BTBD9: variants seen among roughly 807,000 people sequenced by gnomAD.
BTBD9 encodes BTB domain containing 9.
BTBD9 carries 49 observed loss-of-function variants against 64.3 expected under a neutral mutation model. The observed-to-expected ratio is 0.76, with a 90% CI of 0.61 to 0.97. The LOEUF is 0.97. BTBD9 is among the 50% of genes least tolerant of loss of function. The pLI is 0.00. For missense variants in BTBD9, 598 were observed against 762.1 expected (o/e 0.78, Z 2.53); for synonymous variants, 260 against 274.7 (o/e 0.95, Z 0.53).
chr6:38,310,984 C>T (rs4711533), intron 7 of BTBD9, among the ~76,000 whole-genome samples: 108,217 of 151,998 alleles, frequency 0.71, 39,152 homozygotes, highest in African/African-American at 0.84. Flanking sequence ...ATTTTTTTTG[C>T]AGTTTTAGTA....
intron 7 of BTBD9, among the ~76,000 whole-genome samples, chr6:38,317,610 T>A (rs543301490): frequency 4.8e-4 from 73 of 152,334 alleles, no homozygotes; most frequent in Admixed American, 1.4e-3. Context: ...ACCTCCTCTT[T>A]AAGGCCAATA....
chr6:38,589,084 TTAGA>T (rs1776678692), intron 4 of BTBD9, among the ~76,000 whole-genome samples: 1 of 152,210 alleles, frequency 6.6e-6, no homozygotes, highest in African/African-American at 2.4e-5. Context: ...AGTTCAGAAG[TTAGA>T]TAAAGGATTC....
intron 7 of BTBD9, among the ~76,000 whole-genome samples, chr6:38,303,431 A>G (rs1241120531): frequency 6.6e-6 from 1 of 152,128 alleles, no homozygotes; most frequent in East Asian, 1.9e-4. Flanking sequence ...TGGTTTTTTA[A>G]AAGTTTCACA....
At chr6:38,237,386 C>T (rs1455629033) in intron 9 of BTBD9, among the ~76,000 whole-genome samples, 1 of 152,198 alleles carries the variant, frequency 6.6e-6, no homozygotes, top group African/African-American at 2.4e-5. Flanking sequence ...AAGGTCAGTT[C>T]AAACAACTCC....
At chr6:38,599,789 T>C (rs1453004831) in intron 1 of BTBD9, among the ~76,000 whole-genome samples, 1 of 152,244 alleles carries the variant, frequency 6.6e-6, no homozygotes, top group Non-Finnish European at 1.5e-5. Context: ...CGAATCTGCC[T>C]GCTTTAGTTA....
chr6:38,636,912 G>T (rs1286837001), intron 1 of BTBD9, among the ~76,000 whole-genome samples: 1 of 152,162 alleles, frequency 6.6e-6, no homozygotes, highest in Non-Finnish European at 1.5e-5. Context: ...ATGGGTTCTT[G>T]AGATGAGTTC....
chr6:38,341,112 T>C (rs571034582), intron 7 of BTBD9, among the ~76,000 whole-genome samples: 1 of 152,110 alleles, frequency 6.6e-6, no homozygotes, highest in Non-Finnish European at 1.5e-5. Context: ...AGAGAACATA[T>C]AGATTTAAAG....
At chr6:38,587,877 C>T (rs550858184) in intron 4 of BTBD9, 73 of 721,672 alleles carry the variant, frequency 1.0e-4, no homozygotes, top group Middle Eastern at 2.6e-4. Flanking sequence ...AATAATGTTA[C>T]GTCGGCATTT....
intron 10 of BTBD9, 81 bp downstream of exon 10, chr6:38,192,438 C>A: frequency 7.5e-7 from 1 of 1,339,540 alleles, no homozygotes. Flanking sequence ...GCAGAACAAA[C>A]AATTCCACTT....
chr6:38,304,104 T>G (rs567072978), intron 7 of BTBD9, among the ~76,000 whole-genome samples: 2 of 151,868 alleles, frequency 1.3e-5, no homozygotes, highest in African/African-American at 4.8e-5. Context: ...CTCACATGTA[T>G]GTATATATAT....
intron 7 of BTBD9, among the ~76,000 whole-genome samples, chr6:38,344,156 A>G (rs992258589): frequency 2.6e-5 from 4 of 152,162 alleles, no homozygotes; most frequent in African/African-American, 9.7e-5. Context: ...TAATTGATCT[A>G]AGCATGATCT....
chr6:38,632,988 TCTC>T (rs1234057549), intron 1 of BTBD9, among the ~76,000 whole-genome samples: 8 of 152,146 alleles, frequency 5.3e-5, no homozygotes, highest in South Asian at 4.2e-4. Flanking sequence ...TCATGTAAGA[TCTC>T]CTGTGAGTCA....
At chr6:38,451,755 C>T (rs1239100325) in intron 6 of BTBD9, among the ~76,000 whole-genome samples, 2 of 152,124 alleles carry the variant, frequency 1.3e-5, no homozygotes, top group East Asian at 1.9e-4. Flanking sequence ...CCATCTGACA[C>T]TGACTGTTCT....
intron 6 of BTBD9, among the ~76,000 whole-genome samples, chr6:38,497,263 G>A (rs896022049): frequency 2.0e-5 from 3 of 152,054 alleles, no homozygotes; most frequent in Non-Finnish European, 4.4e-5. Context: ...TGCACACAGG[G>A]AGGGGACTTT....
At chr6:38,592,541 C>T (rs1776845931) in intron 4 of BTBD9, 35 bp downstream of exon 4, 4 of 1,605,158 alleles carry the variant, frequency 2.5e-6, no homozygotes, top group East Asian at 2.2e-5. Context: ...GCATACCAAG[C>T]TTCTTGGTTG....
At chr6:38,320,235 C>G (rs1763181274) in intron 7 of BTBD9, among the ~76,000 whole-genome samples, 1 of 152,166 alleles carries the variant, frequency 6.6e-6, no homozygotes, top group Admixed American at 6.5e-5. Flanking sequence ...GGTACTGTGA[C>G]CACTCACCTG....
chr6:38,261,658 T>C (rs1764798764), intron 8 of BTBD9, among the ~76,000 whole-genome samples: 1 of 152,250 alleles, frequency 6.6e-6, no homozygotes, highest in Non-Finnish European at 1.5e-5. Flanking sequence ...GCTGAAGGTA[T>C]TAATTTTTAT....
At chr6:38,518,543 T>C (rs1010655447) in intron 6 of BTBD9, among the ~76,000 whole-genome samples, 19 of 152,222 alleles carry the variant, frequency 1.2e-4, no homozygotes, top group African/African-American at 4.1e-4. Context: ...CATACTGTGA[T>C]CATGAAAGGA....
chr6:38,355,536 T>A (rs959296942), intron 6 of BTBD9, among the ~76,000 whole-genome samples: 3 of 152,170 alleles, frequency 2.0e-5, no homozygotes, highest in African/African-American at 7.2e-5. Context: ...CTCACACTTG[T>A]TTCAGAAATT....
Sources: gnomAD v4.1 joint callset for allele counts (sites outside exome capture counted in the v4.1 genomes callset) on GRCh38, gnomAD v4.1.1 for gene constraint, MANE v1.5 for transcripts, NCBI Gene and HGNC (gene_info 2026-07-23, HGNC 2026-07-21) for gene names.